The following LARGE1 variants were observed in gnomAD, a reference collection of about 807,000 sequenced individuals.
The protein encoded by LARGE1 is LARGE xylosyl- and glucuronyltransferase 1.
Under a neutral mutation model 87.6 loss-of-function variants are expected in LARGE1, and 43 were observed. The observed-to-expected ratio is 0.49, with a 90% CI of 0.38 to 0.63. LARGE1 has a LOEUF of 0.63. Among genes scored for constraint, LARGE1 ranks in the 30% least tolerant of loss-of-function variants. The probability of loss-of-function intolerance (pLI) is 0.00; values close to 1 mark genes in which losing one functional copy is unlikely to be tolerated. For synonymous variants in LARGE1, 434 were observed against 394.6 expected, an observed-to-expected ratio of 1.10 and a Z score of -1.18; for missense variants, 802 against 1,000.2, an observed-to-expected ratio of 0.80 and a Z score of 2.67.
At chr22:33,216,001 T>G (rs1925185739) in intron 11 of LARGE1, among the ~76,000 whole-genome samples, 1 of 152,194 alleles carries the variant, frequency 6.6e-6, no homozygotes, top group African/African-American at 2.4e-5. Context: ...AGATTTCTAA[T>G]TCAGCTGGAA....
intron 10 of LARGE1, among the ~76,000 whole-genome samples, chr22:33,331,434 T>A (rs1266243791): frequency 2.7e-5 from 4 of 147,472 alleles, no homozygotes; most frequent in African/African-American, 5.1e-5. Flanking sequence ...TTTGACGGAG[T>A]CTTGCTCTTG....
At chr22:33,184,966 A>G (rs1273878733) in intron 11 of LARGE1, among the ~76,000 whole-genome samples, 1 of 152,188 alleles carries the variant, frequency 6.6e-6, no homozygotes, top group Non-Finnish European at 1.5e-5. Context: ...CTGGGAATTC[A>G]AAATGGTACA....
At chr22:33,278,569 A>T (rs1157817059) in intron 13 of LARGE1, among the ~76,000 whole-genome samples, 5 of 152,128 alleles carry the variant, frequency 3.3e-5, no homozygotes, top group East Asian at 1.9e-4. Context: ...ACACACACAC[A>T]CACACACACA....
chr22:33,317,771 A>G (rs1021948992), intron 10 of LARGE1, among the ~76,000 whole-genome samples: 1 of 152,210 alleles, frequency 6.6e-6, no homozygotes, highest in Non-Finnish European at 1.5e-5. Flanking sequence ...CAACTTAGCA[A>G]AAAGCTAATC....
intron 6 of LARGE1, among the ~76,000 whole-genome samples, chr22:33,479,092 C>T (rs1442048063): frequency 1.3e-5 from 2 of 152,192 alleles, no homozygotes; most frequent in Non-Finnish European, 2.9e-5. Context: ...CAACTTTCCT[C>T]CTGCAAGCAG....
intron 11 of LARGE1, among the ~76,000 whole-genome samples, chr22:33,313,712 A>G (rs926451185): frequency 1.1e-4 from 16 of 152,098 alleles, no homozygotes; most frequent in Non-Finnish European, 1.9e-4. Context: ...AGGAAATGGG[A>G]CCTCCATCCT....
intron 6 of LARGE1, among the ~76,000 whole-genome samples, chr22:33,520,091 A>C (rs946413766): frequency 2.1e-5 from 3 of 140,928 alleles, no homozygotes; most frequent in Non-Finnish European, 4.5e-5. Flanking sequence ...TGCAGCCTGG[A>C]TCTCCTGAGC....
At chr22:33,465,103 C>T (rs1031510574) in intron 6 of LARGE1, among the ~76,000 whole-genome samples, 2 of 152,190 alleles carry the variant, frequency 1.3e-5, no homozygotes, top group African/African-American at 2.4e-5. Context: ...TCTAATGTGA[C>T]TTATTCACAT....
intron 2 of LARGE1, among the ~76,000 whole-genome samples, chr22:33,681,220 T>C (rs1269365000): frequency 6.6e-6 from 1 of 152,232 alleles, no homozygotes; most frequent in Admixed American, 6.5e-5. Flanking sequence ...TGTATTGCTC[T>C]GAATATTAAA....
At chr22:33,198,617 T>C (rs1361537665) in intron 11 of LARGE1, among the ~76,000 whole-genome samples, 1 of 147,012 alleles carries the variant, frequency 6.8e-6, no homozygotes, top group Admixed American at 6.9e-5. Context: ...CAAACTTTTA[T>C]AGTATATATA....
the LARGE1 span, among the ~76,000 whole-genome samples, chr22:33,131,977 T>C: frequency 6.6e-6 from 1 of 151,108 alleles, no homozygotes; most frequent in Non-Finnish European, 1.5e-5. Flanking sequence ...AAAACTCCCG[T>C]TTTTAAAACC....
intron 10 of LARGE1, among the ~76,000 whole-genome samples, chr22:33,336,986 G>A (rs906227686): frequency 1.3e-5 from 2 of 151,642 alleles, no homozygotes; most frequent in Admixed American, 6.6e-5. Context: ...GCTTGAACCC[G>A]GGAGGCAGAG....
At chr22:33,829,844 C>G (rs939403284) in intron 1 of LARGE1, among the ~76,000 whole-genome samples, 1 of 152,132 alleles carries the variant, frequency 6.6e-6, no homozygotes, top group Non-Finnish European at 1.5e-5. Context: ...CAGGAGGCAG[C>G]CCGGGTTGGA....
intron 6 of LARGE1, among the ~76,000 whole-genome samples, chr22:33,440,473 A>G (rs2067426637): frequency 6.6e-6 from 1 of 152,192 alleles, no homozygotes. Flanking sequence ...CCACTAGGTG[A>G]ATATTAAAAT....
chr22:33,833,962 C>T (rs778174944), intron 1 of LARGE1, among the ~76,000 whole-genome samples: 22 of 152,080 alleles, frequency 1.4e-4, no homozygotes, highest in Non-Finnish European at 2.6e-4. Flanking sequence ...ACTGGGATTA[C>T]GTGCAATGAG....
intron 12 of LARGE1, among the ~76,000 whole-genome samples, chr22:33,302,049 G>C (rs1438712843): frequency 6.6e-6 from 1 of 152,184 alleles, no homozygotes; most frequent in African/African-American, 2.4e-5. Flanking sequence ...GGTGGAGGGT[G>C]GGCAGGGGTC....
intron 1 of LARGE1, among the ~76,000 whole-genome samples, chr22:33,900,294 C>A (rs2065249325): frequency 6.6e-6 from 1 of 152,164 alleles, no homozygotes; most frequent in Non-Finnish European, 1.5e-5. Flanking sequence ...CTTGCAAGCC[C>A]AGCCCCGGCT....
chr22:33,589,026 C>G (rs911637209), intron 5 of LARGE1, among the ~76,000 whole-genome samples: 1 of 152,208 alleles, frequency 6.6e-6, no homozygotes, highest in Non-Finnish European at 1.5e-5. Context: ...AGGCAACTAG[C>G]CGCAATAAAT....
rs73885008 is a variant in LARGE1 at position 33,222,222 on chromosome 22, G to A, written c.1731-55390C>T. 7.5e-3 allele frequency among the ~76,000 whole-genome samples: 1,138 copies of A among 152,298 alleles called. 2 individuals carry two copies. The highest frequency in any genetic ancestry group is 0.027 in the Middle Eastern group (8 of 294). On this transcript the variant is annotated intron_variant, in intron 11 of 11. Transcript: ENST00000608642. ...CAGAGAAGTTGGTGGTCACCACTGCGTAGGACCTTTCTGTGCCTCCAGGGT... is the reference window on the plus strand; with the variant it reads ...CAGAGAAGTTGGTGGTCACCACTGCATAGGACCTTTCTGTGCCTCCAGGGT...
Sources: gnomAD v4.1 joint callset for allele counts (sites outside exome capture counted in the v4.1 genomes callset) on GRCh38, gnomAD v4.1.1 for gene constraint, MANE v1.5 for transcripts, NCBI Gene and HGNC (gene_info 2026-07-23, HGNC 2026-07-21) for gene names.